BLTP3B: variants seen among roughly 807,000 people sequenced by gnomAD.
The protein encoded by BLTP3B is UHRF1 (ICBP90) binding protein 1-like.
At chr12:100,120,884 C>T in the BLTP3B span, among the ~76,000 whole-genome samples, 8 of 152,148 alleles carry the variant, frequency 5.3e-5, no homozygotes, top group African/African-American at 1.4e-4. Context: ...AGCTGACAAA[C>T]GGACACAACC....
the BLTP3B span, among the ~76,000 whole-genome samples, chr12:100,052,420 C>G: frequency 6.6e-6 from 1 of 151,984 alleles, no homozygotes; most frequent in African/African-American, 2.4e-5. Flanking sequence ...CTGAAAAACA[C>G]TGAGTGGATA....
At chr12:100,130,982 GGA>G in the BLTP3B span, among the ~76,000 whole-genome samples, 5,238 of 61,772 alleles carry the variant, frequency 0.085, 121 homozygotes, top group Non-Finnish European at 0.099. Context: ...AGAGAGGGAG[GGA>G]GAGAGAGAGA....
chr12:100,083,447 G>A, the BLTP3B span, among the ~76,000 whole-genome samples: 2 of 151,926 alleles, frequency 1.3e-5, no homozygotes, highest in African/African-American at 4.8e-5. Flanking sequence ...AAGGGGAGGG[G>A]CAGACAATGG....
chr12:100,057,773 T>A, the BLTP3B span: 1 of 1,553,790 alleles, frequency 6.4e-7, no homozygotes, highest in South Asian at 1.2e-5. Flanking sequence ...TAGAAAATTA[T>A]TACATATAGA....
the BLTP3B span, chr12:100,070,105 A>T: frequency 2.7e-6 from 4 of 1,502,154 alleles, no homozygotes; most frequent in Non-Finnish European, 3.6e-6. Flanking sequence ...TTTACTCCCT[A>T]TGAGATGCAG....
the BLTP3B span, chr12:100,142,804 C>A: frequency 1.0e-6 from 1 of 969,352 alleles, no homozygotes; most frequent in South Asian, 1.8e-5. Flanking sequence ...GCCGAGAACC[C>A]GGAGCATCAC....
chr12:100,094,317 C>T, the BLTP3B span, among the ~76,000 whole-genome samples: 1 of 152,026 alleles, frequency 6.6e-6, no homozygotes, highest in African/African-American at 2.4e-5. Flanking sequence ...CAATATATTG[C>T]CCAGGCTGGT....
At chr12:100,059,919 C>G in the BLTP3B span, 248 of 1,612,630 alleles carry the variant, frequency 1.5e-4, 1 homozygote, top group East Asian at 4.2e-3. Context: ...TCAACTTGTA[C>G]ACAGCCATGA....
At chr12:100,037,306 T>TA in the BLTP3B span, 1 of 1,013,098 alleles carries the variant, frequency 9.9e-7, no homozygotes, top group Non-Finnish European at 1.2e-6. Flanking sequence ...TTTTACATTT[T>TA]AAAAAATGCC....
the BLTP3B span, chr12:100,048,282 T>C: frequency 3.6e-6 from 5 of 1,387,268 alleles, no homozygotes; most frequent in Middle Eastern, 3.7e-4. Context: ...AAAATAATAC[T>C]AGTTTTACTA....
At chr12:100,058,901 T>C in the BLTP3B span, 4 of 1,613,730 alleles carry the variant, frequency 2.5e-6, no homozygotes, top group South Asian at 2.2e-5. Context: ...ATCTGAAAAA[T>C]GTATCTGATG....
chr12:100,083,244 C>T, the BLTP3B span: 8 of 699,488 alleles, frequency 1.1e-5, no homozygotes, highest in East Asian at 2.0e-4. Context: ...ACTTCTCAAA[C>T]AAGATAATAT....
At chr12:100,125,127 T>A in the BLTP3B span, among the ~76,000 whole-genome samples, 9 of 143,198 alleles carry the variant, frequency 6.3e-5, no homozygotes, top group Non-Finnish European at 1.2e-4. Context: ...AGGTCAGGAG[T>A]TCCAGATAAG....
At chr12:100,137,218 C>T in the BLTP3B span, among the ~76,000 whole-genome samples, 2 of 152,218 alleles carry the variant, frequency 1.3e-5, no homozygotes, top group African/African-American at 2.4e-5. Context: ...CATTCCTTTA[C>T]TCCATTACTT....
chr12:100,046,803 T>C, the BLTP3B span, among the ~76,000 whole-genome samples: 1 of 152,028 alleles, frequency 6.6e-6, no homozygotes, highest in African/African-American at 2.4e-5. Flanking sequence ...ATCCACATAA[T>C]GATGAGCAAT....
At chr12:100,142,562 A>G in the BLTP3B span, 1 of 1,603,560 alleles carries the variant, frequency 6.2e-7, no homozygotes, top group Non-Finnish European at 8.5e-7. Context: ...GTGGAGGCCG[A>G]CTGGCGCCGA....
At chr12:100,051,053 T>C in the BLTP3B span, 12 of 1,609,756 alleles carry the variant, frequency 7.5e-6, no homozygotes, top group East Asian at 2.2e-5. Flanking sequence ...TTTATCTTCA[T>C]AGAATCTCTC....
At chr12:100,130,965 G>T in the BLTP3B span, among the ~76,000 whole-genome samples, 3,377 of 115,410 alleles carry the variant, frequency 0.029, 74 homozygotes, top group Non-Finnish European at 0.039. Context: ...TATATATAGA[G>T]AGAGAGAGAG....
chr12:100,122,838 G>A, the BLTP3B span, among the ~76,000 whole-genome samples: 2 of 152,036 alleles, frequency 1.3e-5, no homozygotes, highest in African/African-American at 4.8e-5. Context: ...ATCTCCCTTA[G>A]GATCCCTTGC....
Sources: allele counts gnomAD v4.1 joint callset (sites outside exome capture counted in the v4.1 genomes callset), GRCh38; gene constraint gnomAD v4.1.1; transcripts MANE v1.5; gene names NCBI Gene and HGNC (gene_info 2026-07-23, HGNC 2026-07-21).